Variants in GADL1 observed in about 807,000 individuals in gnomAD.
GADL1 encodes GAD like acidic amino acid decarboxylase 1.
Under a neutral mutation model 69.5 loss-of-function variants are expected in GADL1, and 71 were observed. That is an observed-to-expected ratio of 1.02 (90% confidence interval 0.84 to 1.25). The LOEUF (loss-of-function observed/expected upper bound fraction) is 1.25. GADL1 is among the 50% of genes most tolerant of loss of function. GADL1 has a pLI of 0.00. For missense variants in GADL1, 737 were observed against 631.8 expected (o/e 1.17, Z -1.79); for synonymous variants, 254 against 214.4 (o/e 1.18, Z -1.62).
intron 13 of GADL1, among the ~76,000 whole-genome samples, chr3:30,781,326 G>A (rs1320335967): frequency 6.6e-6 from 1 of 152,198 alleles, no homozygotes; most frequent in Non-Finnish European, 1.5e-5. Context: ...AAAGAAATTA[G>A]TGGTCACTAA....
chr3:30,880,674 A>G (rs1698631171), intron 1 of GADL1, among the ~76,000 whole-genome samples: 1 of 151,994 alleles, frequency 6.6e-6, no homozygotes, highest in South Asian at 2.1e-4. Context: ...TGCAAATACT[A>G]TGCCATTTTA....
At position 30,800,804 on chromosome 3, in the gene GADL1, TAGACACACACACACACACACAC is replaced by T. The variant is rs1334896701; in HGVS notation, c.1250+63_1250+84del. 3.1e-6 allele frequency: 3 copies of T among 961,122 alleles called. No individual in the cohort carries two copies. In the East Asian group the frequency reaches 8.0e-5, roughly 26 times the overall value. The allele number at this position is 961,122 out of a possible 1,614,324, so 59.5% of individuals were successfully genotyped here. The stretch of plus-strand genomic sequence containing the variant: ...TAGGTCTTCCTATTACAGACACAGA[TAGACACACACACACACACACAC>T]ACACACACACACACACACACACACA... On this transcript the variant is annotated intron_variant, in intron 12 of 14. Coordinates refer to ENST00000282538, the MANE Select transcript of GADL1 (RefSeq NM_207359.3).
chr3:30,748,158 C>A (rs544877388), intron 14 of GADL1, among the ~76,000 whole-genome samples: 38 of 152,274 alleles, frequency 2.5e-4, no homozygotes, highest in South Asian at 2.3e-3. Flanking sequence ...TGGACCAAAT[C>A]AATGGCATAG....
At chr3:30,768,641 C>T (rs1244630871) in intron 14 of GADL1, among the ~76,000 whole-genome samples, 1 of 151,842 alleles carries the variant, frequency 6.6e-6, no homozygotes, top group African/African-American at 2.4e-5. Context: ...CACAAAGAAG[C>T]CTCAAAGGCA....
At chr3:30,893,108 G>A (rs1268683844) in intron 1 of GADL1, among the ~76,000 whole-genome samples, 2 of 152,150 alleles carry the variant, frequency 1.3e-5, no homozygotes, top group African/African-American at 4.8e-5. Context: ...TGCCCACCTC[G>A]GCCTCCCAAA....
intron 14 of GADL1, among the ~76,000 whole-genome samples, chr3:30,747,992 C>T (rs28420373): frequency 0.21 from 32,114 of 152,166 alleles, 5,096 homozygotes; most frequent in African/African-American, 0.45. Flanking sequence ...TCTGAATTAA[C>T]CCCCCAAATA....
chr3:30,820,851 T>A (rs1222486843), intron 11 of GADL1, among the ~76,000 whole-genome samples: 1 of 151,886 alleles, frequency 6.6e-6, no homozygotes. Flanking sequence ...TAAATCATGC[T>A]GCTATAAAGA....
intron 13 of GADL1, among the ~76,000 whole-genome samples, chr3:30,782,865 A>G (rs543161201): frequency 6.6e-5 from 10 of 152,336 alleles, no homozygotes; most frequent in African/African-American, 2.4e-4. Flanking sequence ...ATGCTACAGA[A>G]TTTCAGCAAG....
chr3:30,758,201 C>CATTCCTATCTGCCA, intron 14 of GADL1, among the ~76,000 whole-genome samples: 1 of 152,268 alleles, frequency 6.6e-6, no homozygotes, highest in Non-Finnish European at 1.5e-5. Context: ...CTTTGTAGTA[C>CATTCCTATCTGCCA]ATTCCTATCT....
intron 1 of GADL1, among the ~76,000 whole-genome samples, chr3:30,869,166 A>C (rs1417986707): frequency 6.6e-6 from 1 of 151,890 alleles, no homozygotes; most frequent in African/African-American, 2.4e-5. Context: ...ATTTAAAAAA[A>C]CTGAAGATAT....
intron 14 of GADL1, among the ~76,000 whole-genome samples, chr3:30,755,462 TAA>T (rs1380394149): frequency 1.3e-5 from 2 of 152,184 alleles, no homozygotes; most frequent in Non-Finnish European, 1.5e-5. Flanking sequence ...TTCACACATC[TAA>T]AAATATTACA....
intron 1 of GADL1, among the ~76,000 whole-genome samples, chr3:30,873,255 G>T (rs530725567): frequency 6.6e-6 from 1 of 151,872 alleles, no homozygotes; most frequent in Non-Finnish European, 1.5e-5. Context: ...ACCAGGTATT[G>T]GGATATACAC....
chr3:30,810,073 T>C (rs1333119468), intron 11 of GADL1, among the ~76,000 whole-genome samples: 1 of 152,188 alleles, frequency 6.6e-6, no homozygotes, highest in Admixed American at 6.5e-5. Context: ...TTCTGCCATA[T>C]AGTGACATGT....
chr3:30,841,370 G>A (rs918929188), intron 8 of GADL1, among the ~76,000 whole-genome samples: 5 of 152,018 alleles, frequency 3.3e-5, no homozygotes, highest in Middle Eastern at 3.4e-3. Context: ...TATTATGTCC[G>A]TTTCATGTAC....
At chr3:30,757,786 C>T (rs570104080) in intron 14 of GADL1, among the ~76,000 whole-genome samples, 3 of 152,170 alleles carry the variant, frequency 2.0e-5, no homozygotes, top group South Asian at 2.1e-4. Flanking sequence ...AGTTCTAGTC[C>T]GTATCTTCTG....
intron 12 of GADL1, among the ~76,000 whole-genome samples, chr3:30,792,018 C>T (rs1196199514): frequency 6.6e-6 from 1 of 152,120 alleles, no homozygotes; most frequent in Non-Finnish European, 1.5e-5. Context: ...TTATAAATTG[C>T]CCAGTCTCAG....
chr3:30,745,287 G>A (rs918058867), intron 14 of GADL1, among the ~76,000 whole-genome samples: 2 of 152,134 alleles, frequency 1.3e-5, no homozygotes, highest in African/African-American at 2.4e-5. Flanking sequence ...CCTTTAAGTC[G>A]ACATTTGCCG....
chr3:30,863,056 C>G (rs999419490), intron 1 of GADL1, among the ~76,000 whole-genome samples: 1 of 115,590 alleles, frequency 8.7e-6, no homozygotes, highest in Non-Finnish European at 2.1e-5. Flanking sequence ...CACACACACT[C>G]TCTCTCACAC....
chr3:30,795,096 G>GT (rs1697005963), intron 12 of GADL1, among the ~76,000 whole-genome samples: 2 of 152,130 alleles, frequency 1.3e-5, no homozygotes, highest in South Asian at 4.1e-4. Flanking sequence ...CTTTGCTGGA[G>GT]TTATCTACTG....
Sources: gnomAD v4.1 joint callset for allele counts (sites outside exome capture counted in the v4.1 genomes callset) on GRCh38, gnomAD v4.1.1 for gene constraint, MANE v1.5 for transcripts, NCBI Gene and HGNC (gene_info 2026-07-23, HGNC 2026-07-21) for gene names.